Variants in PDE1C observed in about 807,000 individuals in gnomAD.
PDE1C encodes dual specificity calcium/calmodulin-dependent 3',5'-cyclic nucleotide phosphodiesterase 1C.
Under a neutral mutation model 93.1 loss-of-function variants are expected in PDE1C, and 62 were observed. That is an observed-to-expected ratio of 0.67 (90% confidence interval 0.54 to 0.82). PDE1C has a LOEUF of 0.82. PDE1C is among the 40% of genes least tolerant of loss of function. The pLI is 0.00. For synonymous variants in PDE1C, 325 were observed against 310.1 expected, an observed-to-expected ratio of 1.05 and a Z score of -0.50; for missense variants, 742 against 884.6, an observed-to-expected ratio of 0.84 and a Z score of 2.04.
chr7:31,677,254 A>T, the PDE1C span, among the ~76,000 whole-genome samples: 1 of 152,184 alleles, frequency 6.6e-6, no homozygotes, highest in Non-Finnish European at 1.5e-5. Context: ...TATTAATGTC[A>T]CTTACACTAT....
chr7:32,056,351 TC>T (rs1361187119), intron 1 of PDE1C, among the ~76,000 whole-genome samples: 2 of 133,716 alleles, frequency 1.5e-5, no homozygotes, highest in African/African-American at 5.8e-5. Flanking sequence ...TCTCTCTCTC[TC>T]TCTCTCTCTC....
At chr7:31,643,264 A>G in the PDE1C span, 65 of 1,613,722 alleles carry the variant, frequency 4.0e-5, no homozygotes, top group Non-Finnish European at 5.4e-5. Flanking sequence ...CACCAACCAC[A>G]GCTTACTCGT....
chr7:32,130,698 A>G (rs1354398998), intron 3 of PDE1C, among the ~76,000 whole-genome samples: 1 of 152,046 alleles, frequency 6.6e-6, no homozygotes, highest in African/African-American at 2.4e-5. Context: ...ACAGACTCCC[A>G]CACGCCTCTC....
At chr7:31,754,168 T>C (rs142483505) in intron 17 of PDE1C, among the ~76,000 whole-genome samples, 2 of 152,254 alleles carry the variant, frequency 1.3e-5, no homozygotes, top group East Asian at 3.9e-4. Context: ...TTAGAGAATT[T>C]CAAATTAAAA....
chr7:31,821,601 G>C (rs1489384306), intron 14 of PDE1C, among the ~76,000 whole-genome samples: 2 of 151,918 alleles, frequency 1.3e-5, no homozygotes, highest in African/African-American at 4.8e-5. Context: ...ACTAGGAGAG[G>C]GTGCACTTAA....
At chr7:31,625,521 A>G in the PDE1C span, among the ~76,000 whole-genome samples, 1 of 152,200 alleles carries the variant, frequency 6.6e-6, no homozygotes, top group African/African-American at 2.4e-5. Flanking sequence ...CTATTGCAAG[A>G]ACAAAAAACC....
At chr7:31,962,889 C>T (rs1019357029) in intron 2 of PDE1C, among the ~76,000 whole-genome samples, 9 of 152,162 alleles carry the variant, frequency 5.9e-5, no homozygotes, top group Non-Finnish European at 1.5e-5. Context: ...AGACAAGCTA[C>T]AAGCAGGACA....
chr7:32,211,839 T>C (rs767625430), intron 1 of PDE1C, among the ~76,000 whole-genome samples: 8 of 151,060 alleles, frequency 5.3e-5, no homozygotes, highest in Non-Finnish European at 7.4e-5. Context: ...CTGGGCAACA[T>C]AGTGAGACCC....
intron 2 of PDE1C, among the ~76,000 whole-genome samples, chr7:32,006,265 A>G (rs1786238558): frequency 6.6e-6 from 1 of 152,188 alleles, no homozygotes. Flanking sequence ...AATTTGGTGG[A>G]GTAGTTTCAC....
intron 3 of PDE1C, among the ~76,000 whole-genome samples, chr7:32,147,706 C>G (rs1028449661): frequency 4.6e-5 from 7 of 152,104 alleles, no homozygotes; most frequent in East Asian, 3.9e-4. Context: ...CTCCCACCCC[C>G]CCTCCAAGCA....
intron 3 of PDE1C, among the ~76,000 whole-genome samples, chr7:32,115,048 C>A (rs560713040): frequency 6.6e-6 from 1 of 152,320 alleles, no homozygotes; most frequent in South Asian, 2.1e-4. Flanking sequence ...TTGTGGAAGA[C>A]AGCGTGGTGA....
the PDE1C span, among the ~76,000 whole-genome samples, chr7:31,674,134 A>C: frequency 6.6e-6 from 1 of 152,198 alleles, no homozygotes; most frequent in Non-Finnish European, 1.5e-5. Flanking sequence ...TCACCTTAGA[A>C]GTTCTTTCAT....
At chr7:32,207,056 A>C (rs150091520) in intron 2 of PDE1C, among the ~76,000 whole-genome samples, 1 of 152,098 alleles carries the variant, frequency 6.6e-6, no homozygotes, top group African/African-American at 2.4e-5. Context: ...AGTCAGGTTG[A>C]TTGGAAGCCA....
At chr7:32,299,392 T>C (rs1346791359), upstream of PDE1C, 23 of 985,462 alleles carry the variant, frequency 2.3e-5, no homozygotes, top group Non-Finnish European at 2.4e-5. Flanking sequence ...GGAGCCCCGA[T>C]AGTGTTTCTT....
rs148174700 is a variant in PDE1C at position 32,206,853 on chromosome 7, C to T, written c.136+2636G>A. 2.9e-3 allele frequency among the ~76,000 whole-genome samples: 445 copies of T among 152,312 alleles called. 2 individuals are homozygous for T. The highest frequency in any genetic ancestry group is 9.8e-3 in the African/African-American group (409 of 41,568). ...AGCTGGTGTGCCTGCATTCACACAG[C>T]GCACTCAAGTCAAGGTCAGTCTCAA... On this transcript the variant is annotated intron_variant, in intron 2 of 18. Coordinates refer to the PDE1C transcript ENST00000396193.
At position 32,233,522 on chromosome 7, in the gene PDE1C, G is replaced by A. The variant is rs1380931365; in HGVS notation, c.86-23983C>T. Among the ~76,000 whole-genome samples, 3 of 152,048 alleles carry A rather than the reference G, an allele frequency of 2.0e-5. No individual in the cohort carries two copies. In the East Asian group the frequency reaches 5.8e-4, roughly 29 times the overall value. ...CCATGCAAACATCAACCAACAGAAAGCAGGAGTGGCTGTATTACTATCAGA... is the reference window on the plus strand; with the variant it reads ...CCATGCAAACATCAACCAACAGAAAACAGGAGTGGCTGTATTACTATCAGA... On this transcript the variant is annotated intron_variant, in intron 1 of 18. Transcript: ENST00000396193.
the PDE1C span, among the ~76,000 whole-genome samples, chr7:31,734,234 G>T: frequency 6.6e-6 from 1 of 152,048 alleles, no homozygotes; most frequent in African/African-American, 2.4e-5. Flanking sequence ...GCTGAGATGT[G>T]TGTATGGAAT....
At position 32,208,409 on chromosome 7, in the gene PDE1C, G is replaced by A. The variant is rs182619229; in HGVS notation, c.136+1080C>T. Among the ~76,000 whole-genome samples the A allele has an allele frequency of 1.0e-3, 157 of 151,944 alleles. 3 individuals carry two copies. Among genetic ancestry groups the A allele is most frequent in the East Asian group, 7.7e-4 (4 of 5,172 alleles). On this transcript the variant is annotated intron_variant, in intron 2 of 18. Coordinates refer to the PDE1C transcript ENST00000396193. ...TCAAAAGACAGCAACATTTTTGACT[G>A]ACCTGGAAAAAAGTCAGATGGCACG...
chr7:31,697,043 A>G, the PDE1C span: 14 of 1,614,066 alleles, frequency 8.7e-6, no homozygotes, highest in Middle Eastern at 3.3e-4. Context: ...CCTGTTCTTC[A>G]TAACACTGAC....
Sources: gnomAD v4.1 joint callset for allele counts (sites outside exome capture counted in the v4.1 genomes callset) on GRCh38, gnomAD v4.1.1 for gene constraint, MANE v1.5 for transcripts, NCBI Gene and HGNC (gene_info 2026-07-23, HGNC 2026-07-21) for gene names.